Variants in ARIH1 observed in about 807,000 individuals in gnomAD.
ARIH1 encodes E3 ubiquitin-protein ligase ARIH1.
In ARIH1, 8 loss-of-function variants were observed where a neutral mutation model predicts 85.0. The ratio of observed to expected loss-of-function variants is 0.09; its 90% CI spans 0.06 to 0.17. ARIH1 has a LOEUF of 0.17. ARIH1 is among the 10% of genes least tolerant of loss of function. The pLI is 1.00. For missense variants in ARIH1, 311 were observed against 718.1 expected (o/e 0.43, Z 6.48); for synonymous variants, 238 against 253.6 (o/e 0.94, Z 0.59).
intron 2 of ARIH1, among the ~76,000 whole-genome samples, chr15:72,529,929 G>A (rs1187455121): frequency 1.3e-5 from 2 of 152,154 alleles, no homozygotes; most frequent in African/African-American, 4.8e-5. Flanking sequence ...TTATTGGGAA[G>A]CCCTTGAACG....
At chr15:72,561,380 A>G (rs1048564088) in intron 5 of ARIH1, 103 bp from the exon 6 acceptor site, 3 of 783,174 alleles carry the variant, frequency 3.8e-6, no homozygotes, top group Non-Finnish European at 6.4e-6. Context: ...TTAGGGCATA[A>G]ACATGTAGCC....
rs1273525211 is a variant in ARIH1, at chr15:72,600,013, G to A, written c.*16721G>A. ...TTGTGGTATAGGTTTTGGGAGGACT[G>A]GACACTTCCAAAGAGAAATAAGATG... On this transcript the variant is annotated 3_prime_UTR_variant, in exon 14 of 14. Transcript: ENST00000379887. 6.6e-6 allele frequency: 1 copy of A among 152,190 alleles called. No individual in the cohort carries two copies. Among genetic ancestry groups the A allele is most frequent in the Non-Finnish European group, 1.5e-5 (1 of 68,044 alleles). 9.4% of individuals were successfully genotyped at this position (152,190 alleles called of 1,614,324 possible). A position where few individuals can be genotyped will look rare whatever the true frequency, so the allele number is the denominator to read the frequency against.
intron 1 of ARIH1, among the ~76,000 whole-genome samples, chr15:72,503,764 C>T (rs1481353693): frequency 1.3e-5 from 2 of 152,206 alleles, no homozygotes; most frequent in Admixed American, 6.5e-5. Flanking sequence ...GCCCCATTTA[C>T]TCTGCTTGCA....
Position 72,535,159 on chromosome 15 carries a change from G to A in ARIH1, c.444-9661G>A, listed in dbSNP as rs959248111. On this transcript the variant is annotated intron_variant, in intron 2 of 13. Coordinates refer to ENST00000379887, the MANE Select transcript of ARIH1 (RefSeq NM_005744.5). ...GTAGAGACGGGGTTTCACCGTGTTA[G>A]CCAGGATGGTCTCGAACTCCTGACC... Among the ~76,000 whole-genome samples the A allele has an allele frequency of 2.0e-5, 3 of 151,104 alleles. No homozygotes were observed. In the East Asian group the frequency reaches 5.9e-4, roughly 30 times the overall value.
At chr15:72,517,659 A>G (rs889720704) in intron 1 of ARIH1, among the ~76,000 whole-genome samples, 2 of 152,258 alleles carry the variant, frequency 1.3e-5, no homozygotes, top group African/African-American at 4.8e-5. Context: ...CCTGAGCTCA[A>G]GCAGTCAGCC....
intron 1 of ARIH1, among the ~76,000 whole-genome samples, chr15:72,483,103 C>T (rs1035912877): frequency 6.6e-6 from 1 of 152,112 alleles, no homozygotes; most frequent in African/African-American, 2.4e-5. Flanking sequence ...TTCAAGGGAT[C>T]TGCCCGCCTT....
chr15:72,547,072 C>T (rs561341510), intron 3 of ARIH1, among the ~76,000 whole-genome samples: 5 of 150,838 alleles, frequency 3.3e-5, no homozygotes, highest in African/African-American at 7.3e-5. Context: ...GGACTACAGG[C>T]GTCTGCCATC....
Position 72,589,761 on chromosome 15 carries a change from T to C in ARIH1, c.*6469T>C, listed in dbSNP as rs781147859. 1 of 152,262 alleles carries C rather than the reference T, an allele frequency of 6.6e-6. No homozygotes were observed. The highest frequency in any genetic ancestry group is 1.5e-5 in the Non-Finnish European group (1 of 68,042). The allele number at this position is 152,262 out of a possible 1,614,324, so 9.4% of individuals were successfully genotyped here. On this transcript the variant is annotated 3_prime_UTR_variant, in exon 14 of 14. Transcript: ENST00000379887. ...TTTTTAAATACATGTAATGAATTGGTATATGGTAGATACTCGTGGCTACTT... is the reference window on the plus strand; with the variant it reads ...TTTTTAAATACATGTAATGAATTGGCATATGGTAGATACTCGTGGCTACTT...
Position 72,474,374 on chromosome 15 carries a change from T to A in ARIH1, c.-266T>A. 2.1e-6 allele frequency: 1 copy of A among 474,962 alleles called. No individual in the cohort carries two copies. The highest frequency in any genetic ancestry group is 3.7e-6 in the Non-Finnish European group (1 of 269,664). 29.4% of individuals were successfully genotyped at this position (474,962 alleles called of 1,614,324 possible). ...GTGGAGGTGGCGTTGGGGACTGTTT[T>A]CTCTCGGAGGCCGGAGCGGAGCCGC... On this transcript the variant is annotated 5_prime_UTR_variant, in exon 1 of 14. Transcript: ENST00000379887.
chr15:72,533,403 C>T (rs1238427755), intron 2 of ARIH1, among the ~76,000 whole-genome samples: 1 of 152,184 alleles, frequency 6.6e-6, no homozygotes, highest in Non-Finnish European at 1.5e-5. Flanking sequence ...GGATTATAGG[C>T]GTGAGCCCGT....
At chr15:72,577,137 C>T (rs1213159719) in intron 11 of ARIH1, among the ~76,000 whole-genome samples, 1 of 151,832 alleles carries the variant, frequency 6.6e-6, no homozygotes, top group African/African-American at 2.4e-5. Context: ...CATGCGCCAC[C>T]ATGCCTGGCT....
intron 1 of ARIH1, among the ~76,000 whole-genome samples, chr15:72,510,254 T>G (rs954843002): frequency 6.6e-6 from 1 of 152,212 alleles, no homozygotes; most frequent in South Asian, 2.1e-4. Context: ...GTCTGTGGTA[T>G]ATCTTGTATT....
intron 2 of ARIH1, among the ~76,000 whole-genome samples, chr15:72,537,030 G>T (rs961362369): frequency 6.6e-6 from 1 of 151,918 alleles, no homozygotes; most frequent in African/African-American, 2.4e-5. Flanking sequence ...TTTTTTTAGA[G>T]ATTAGCTTAA....
At chr15:72,557,104 TA>T (rs1170294403) in intron 5 of ARIH1, among the ~76,000 whole-genome samples, 1 of 152,180 alleles carries the variant, frequency 6.6e-6, no homozygotes, top group Non-Finnish European at 1.5e-5. Context: ...TTTTACTTTT[TA>T]AAATTATTTT....
At chr15:72,577,581 G>A (rs2140438896) in intron 11 of ARIH1, among the ~76,000 whole-genome samples, 1 of 152,244 alleles carries the variant, frequency 6.6e-6, no homozygotes, top group South Asian at 2.1e-4. Context: ...GATAAGGCAG[G>A]AGAATCACTT....
At chr15:72,529,342 A>G (rs1363854198) in intron 2 of ARIH1, among the ~76,000 whole-genome samples, 1 of 152,216 alleles carries the variant, frequency 6.6e-6, no homozygotes, top group African/African-American at 2.4e-5. Flanking sequence ...TCCGGGGCTC[A>G]AACTGATTCT....
chr15:72,491,136 A>T (rs1164474187), intron 1 of ARIH1, among the ~76,000 whole-genome samples: 1 of 152,002 alleles, frequency 6.6e-6, no homozygotes, highest in East Asian at 1.9e-4. Flanking sequence ...AAAAATAAAA[A>T]ATAAAAGATT....
intron 1 of ARIH1, among the ~76,000 whole-genome samples, chr15:72,493,393 A>T (rs777899795): frequency 3.3e-5 from 5 of 152,176 alleles, no homozygotes; most frequent in Non-Finnish European, 7.4e-5. Flanking sequence ...ATGTCTGTTC[A>T]GGCAAAGTTT....
At chr15:72,494,037 A>G (rs1189929280) in intron 1 of ARIH1, among the ~76,000 whole-genome samples, 2 of 152,196 alleles carry the variant, frequency 1.3e-5, no homozygotes, top group Non-Finnish European at 1.5e-5. Context: ...TCATAAATGC[A>G]GAACCCTTCC....
Sources: gnomAD v4.1 joint callset for allele counts (sites outside exome capture counted in the v4.1 genomes callset) on GRCh38, gnomAD v4.1.1 for gene constraint, MANE v1.5 for transcripts, NCBI Gene and HGNC (gene_info 2026-07-23, HGNC 2026-07-21) for gene names.